SLC44A5: variants seen among roughly 807,000 people sequenced by gnomAD.
The protein encoded by SLC44A5 is choline transporter-like protein 5.
A neutral mutation model predicts 101.8 loss-of-function variants in SLC44A5; 57 were observed. The ratio of observed to expected loss-of-function variants is 0.56; its 90% CI spans 0.45 to 0.70. SLC44A5 has a LOEUF of 0.70. Among genes scored for constraint, SLC44A5 ranks in the 30% least tolerant of loss-of-function variants. The pLI, the probability that SLC44A5 is intolerant of heterozygous loss-of-function variation, is 0.00. For missense variants in SLC44A5, 737 were observed against 853.1 expected, an observed-to-expected ratio of 0.86 and a Z score of 1.70; for synonymous variants, 281 against 290.9, an observed-to-expected ratio of 0.97 and a Z score of 0.35.
chr1:75,384,070 A>C (rs1180568128), intron 3 of SLC44A5, among the ~76,000 whole-genome samples: 1 of 151,470 alleles, frequency 6.6e-6, no homozygotes, highest in African/African-American at 2.4e-5. Context: ...TAAACATGGA[A>C]AGGAACTACC....
At chr1:75,627,515 CA>C in the SLC44A5 span, among the ~76,000 whole-genome samples, 5 of 151,812 alleles carry the variant, frequency 3.3e-5, no homozygotes, top group African/African-American at 1.2e-4. Context: ...CTTGTCTGTA[CA>C]AAAAAATTTT....
chr1:75,424,419 C>T (rs1664188122), intron 2 of SLC44A5, among the ~76,000 whole-genome samples: 1 of 152,158 alleles, frequency 6.6e-6, no homozygotes, highest in African/African-American at 2.4e-5. Flanking sequence ...AATTCTCCAG[C>T]CTCAGCTTCC....
intron 2 of SLC44A5, among the ~76,000 whole-genome samples, chr1:75,461,538 C>T (rs909192620): frequency 6.6e-6 from 1 of 152,180 alleles, no homozygotes; most frequent in African/African-American, 2.4e-5. Flanking sequence ...CCAAATTTTG[C>T]TAGCCACGGT....
upstream of SLC44A5, among the ~76,000 whole-genome samples, chr1:75,615,573 T>C (rs1476149667): frequency 2.6e-5 from 4 of 151,166 alleles, no homozygotes; most frequent in Admixed American, 6.6e-5. Flanking sequence ...GTGCAACAGA[T>C]AGATACCCAA....
chr1:75,674,904 G>A, the SLC44A5 span, among the ~76,000 whole-genome samples: 10 of 152,074 alleles, frequency 6.6e-5, no homozygotes, highest in East Asian at 5.8e-4. Context: ...CAGGTTTGTC[G>A]AATATCAGAT....
chr1:75,390,224 G>A (rs1038860393), intron 3 of SLC44A5, among the ~76,000 whole-genome samples: 2 of 151,906 alleles, frequency 1.3e-5, no homozygotes, highest in African/African-American at 2.4e-5. Context: ...AATTCTACCA[G>A]GTGTATAAAG....
chr1:75,669,876 G>A, the SLC44A5 span, among the ~76,000 whole-genome samples: 77,316 of 152,078 alleles, frequency 0.51, 20,892 homozygotes, highest in Middle Eastern at 0.64. Context: ...ATGAATGAAA[G>A]GGTTTCTGCC....
chr1:75,582,451 T>C lies in SLC44A5; in HGVS notation c.-70+28589A>G, dbSNP rs147995771. On this transcript the variant is annotated intron_variant, in intron 1 of 23. Transcript: ENST00000370859. The stretch of plus-strand genomic sequence containing the variant: ...ACATTGCCAAAGGGCTCAGGCTGTG[T>C]GGGCCAAAGGCCAAGACCAAGGATC... The C allele has an allele frequency of 6.3e-3, 4,035 of 641,760 alleles. 95 individuals are homozygous for C. The highest frequency in any genetic ancestry group is 0.056 in the Admixed American group (2,385 of 42,470). 39.8% of individuals were successfully genotyped at this position (641,760 alleles called of 1,614,324 possible). A position where few individuals can be genotyped will look rare whatever the true frequency, so the allele number is the denominator to read the frequency against.
chr1:75,656,150 A>C, the SLC44A5 span, among the ~76,000 whole-genome samples: 1 of 152,234 alleles, frequency 6.6e-6, no homozygotes, highest in Non-Finnish European at 1.5e-5. Flanking sequence ...AGTATACTGT[A>C]TCCAGCAAAG....
In SLC44A5 at chr1:75,222,348, T is replaced by A; in HGVS notation, c.1085+13A>T. ...GATACACTTTAGCTGAGTTTCTACATTAAGGGCCTTACTTGCTTCCTTCCT... is the reference window on the plus strand; with the variant it reads ...GATACACTTTAGCTGAGTTTCTACAATAAGGGCCTTACTTGCTTCCTTCCT... On this transcript the variant is annotated intron_variant, in intron 14 of 23. Coordinates refer to ENST00000370859, the MANE Select transcript of SLC44A5 (RefSeq NM_001130058.2). 6.3e-7 allele frequency: 1 copy of A among 1,594,704 alleles called. No homozygotes were observed. The highest frequency in any genetic ancestry group is 1.1e-5 in the South Asian group (1 of 90,714).
chr1:75,297,314 T>A (rs907225748), intron 5 of SLC44A5, among the ~76,000 whole-genome samples: 3 of 152,268 alleles, frequency 2.0e-5, no homozygotes, highest in South Asian at 2.1e-4. Context: ...AGACAAAGTC[T>A]GGCTCTATCA....
At chr1:75,615,436 TACACACACACACACACAC>T (rs56337760), upstream of SLC44A5, among the ~76,000 whole-genome samples, 83 of 133,582 alleles carry the variant, frequency 6.2e-4, no homozygotes, top group East Asian at 3.2e-3. Context: ...CACACATACA[TACACACACACACACACAC>T]ACACACACAC....
rs1649547821 is a variant in SLC44A5, at chr1:75,251,261, T to C, written c.294A>G (p.Leu98=). The C allele has an allele frequency of 1.2e-6, 2 of 1,613,444 alleles. No homozygotes were observed. The highest frequency in any genetic ancestry group is 1.3e-5 in the African/African-American group (1 of 75,026). Residue 98 remains leucine, a synonymous_variant, in exon 7 of 24, where the codon TTA becomes TTG. Coordinates refer to ENST00000370859, the MANE Select transcript of SLC44A5 (RefSeq NM_001130058.2). ...GCAACACGGAGGGACTGGTACAGCGTAACAGGTTAAAGTAAAACAAAATGG... is the reference window on the plus strand; with the variant it reads ...GCAACACGGAGGGACTGGTACAGCGCAACAGGTTAAAGTAAAACAAAATGG... The part of the protein sequence containing the change: ...NKTILFYFNL[L]RCTSPSVLLN...
rs1183108681 is a variant in SLC44A5 at position 75,237,047 on chromosome 1, G to A, written c.680C>T (p.Ala227Val). The change falls in exon 11 of 24, where the codon GCA (alanine) becomes GTA (valine). Residue 227 changes from alanine (A) to valine (V), a missense_variant. By Grantham distance (64) the Ala-to-Val change is moderately conservative. This residue lies in a region of SLC44A5 where 665 missense variants were observed against 764.4 expected (regional missense o/e 0.87). Coordinates refer to ENST00000370859, the MANE Select transcript of SLC44A5 (RefSeq NM_001130058.2). ...AANGINKLLD[A>V]KSLGLKVFED... ...AAACACTTTCAATCCAAGTGACTTTGCATCAAGAAGTTTATTGATACCACT... is the reference window on the plus strand; with the variant it reads ...AAACACTTTCAATCCAAGTGACTTTACATCAAGAAGTTTATTGATACCACT... 2 of 1,601,576 alleles carry A rather than the reference G, an allele frequency of 1.2e-6. No individual in the cohort carries two copies. Among genetic ancestry groups the A allele is most frequent in the East Asian group, 2.2e-5 (1 of 44,600 alleles).
chr1:75,711,165 A>G, the SLC44A5 span, among the ~76,000 whole-genome samples: 3 of 152,178 alleles, frequency 2.0e-5, no homozygotes, highest in Non-Finnish European at 4.4e-5. Context: ...TGGCTCATGA[A>G]TTGACTTCTG....
chr1:75,385,904 A>T (rs1194188212), intron 3 of SLC44A5, among the ~76,000 whole-genome samples: 1 of 152,162 alleles, frequency 6.6e-6, no homozygotes, highest in Non-Finnish European at 1.5e-5. Context: ...CTGGTTCAAT[A>T]TACGCAAATC....
chr1:75,605,222 C>CT (rs1179231971), intron 1 of SLC44A5, among the ~76,000 whole-genome samples: 3 of 142,564 alleles, frequency 2.1e-5, no homozygotes, highest in Non-Finnish European at 4.7e-5. Flanking sequence ...AAAATTGCTT[C>CT]TTTTAAAATT....
chr1:75,584,865 G>A (rs996845214), intron 1 of SLC44A5, among the ~76,000 whole-genome samples: 2 of 152,128 alleles, frequency 1.3e-5, no homozygotes, highest in African/African-American at 4.8e-5. Flanking sequence ...CCAAAGTGCT[G>A]GGATTACAGG....
At chr1:75,682,299 C>T in the SLC44A5 span, among the ~76,000 whole-genome samples, 1 of 152,116 alleles carries the variant, frequency 6.6e-6, no homozygotes, top group East Asian at 1.9e-4. Flanking sequence ...ATTGCCAAGT[C>T]AATCCTCAGC....
Sources: allele counts gnomAD v4.1 joint callset (sites outside exome capture counted in the v4.1 genomes callset), GRCh38; gene constraint gnomAD v4.1.1; regional missense constraint gnomAD v4.1.1; transcripts MANE v1.5; gene names NCBI Gene and HGNC (gene_info 2026-07-23, HGNC 2026-07-21).